CDK12: variants seen among roughly 807,000 people sequenced by gnomAD.
CDK12 encodes the protein cyclin-dependent kinase 12.
A neutral mutation model predicts 133.8 loss-of-function variants in CDK12; 17 were observed. The observed-to-expected ratio is 0.13, with a 90% CI of 0.09 to 0.19. CDK12 has a LOEUF of 0.19. CDK12 is among the 10% of genes least tolerant of loss of function. The pLI, the probability that CDK12 is intolerant of heterozygous loss-of-function variation, is 1.00. For synonymous variants in CDK12, 694 were observed against 683.6 expected (o/e 1.02, Z -0.24); for missense variants, 1,508 against 1,818.7 (o/e 0.83, Z 3.11).
upstream of CDK12, chr17:39,544,186 G>C (rs2055559732): frequency 2.1e-6 from 1 of 477,072 alleles, no homozygotes; most frequent in Admixed American, 2.3e-5. Flanking sequence ...CAAGACCAAA[G>C]ATGTTCTTTG....
intron 2 of CDK12, among the ~76,000 whole-genome samples, chr17:39,487,394 G>A (rs887508397): frequency 2.0e-5 from 3 of 152,080 alleles, no homozygotes; most frequent in Non-Finnish European, 4.4e-5. Flanking sequence ...TGTGGTCTAG[G>A]AAATATTCAT....
At position 39,524,135 on chromosome 17, in the gene CDK12, T is replaced by C. The variant is rs189982869; in HGVS notation, c.3096-539T>C. On this transcript the variant is annotated intron_variant, in intron 11 of 13. Transcript: ENST00000447079. Reference sequence around the variant, plus strand: ...GTGCTGAACTCCACAGATGAGCAAGTTGATATCCAGTCATAGAAATTCTGT... The same window carrying C: ...GTGCTGAACTCCACAGATGAGCAAGCTGATATCCAGTCATAGAAATTCTGT... Among the ~76,000 whole-genome samples the C allele has an allele frequency of 7.4e-4, 113 of 152,314 alleles. 2 individuals carry two copies. The highest frequency in any genetic ancestry group is 6.8e-3 in the Middle Eastern group (2 of 294).
chr17:39,553,852 A>G (rs1184290494), intron 2 of CDK12, among the ~76,000 whole-genome samples: 1 of 152,058 alleles, frequency 6.6e-6, no homozygotes, highest in Non-Finnish European at 1.5e-5. Context: ...GGCCTATTAG[A>G]GCTCTCTTTT....
At position 39,525,995 on chromosome 17, in the gene CDK12, C is replaced by G; in HGVS notation, c.3439C>G (p.Gln1147Glu). Residue 1147 changes from glutamine to glutamate, a missense_variant, in exon 13 of 14, where the codon CAG (glutamine) becomes GAG (glutamate). Physicochemically the swap from Gln to Glu is conservative, Grantham distance 29. Coordinates refer to ENST00000447079, the MANE Select transcript of CDK12 (RefSeq NM_016507.4). ...TAACATCCACTCCAACCCAGAGATG[C>G]AGCAGCAGCTGGAAGCCCTGAACCA... ...LLNIHSNPEM[Q>E]QQLEALNQSI... The G allele has an allele frequency of 6.2e-7, 1 of 1,614,196 alleles. No individual in the cohort carries two copies. The highest frequency in any genetic ancestry group is 8.5e-7 in the Non-Finnish European group (1 of 1,180,018).
chr17:39,466,657 C>CAAAA (rs2049342853), intron 1 of CDK12, among the ~76,000 whole-genome samples: 2 of 59,030 alleles, frequency 3.4e-5, no homozygotes, highest in Non-Finnish European at 3.3e-5. Flanking sequence ...AAAAAAAAAG[C>CAAAA]AGATGAATCT....
At chr17:39,499,360 C>T (rs1425875896) in intron 5 of CDK12, among the ~76,000 whole-genome samples, 1 of 149,424 alleles carries the variant, frequency 6.7e-6, no homozygotes, top group Non-Finnish European at 1.5e-5. Context: ...AGGTGCACGC[C>T]ACCACGTCCA....
rs2049807452 is a variant in CDK12, at chr17:39,471,673, C to T, written c.1841C>T (p.Ser614Phe). The change falls in exon 2 of 14, where the codon TCT (serine) becomes TTT (phenylalanine). Residue 614 changes from serine to phenylalanine, a missense_variant. Physicochemically the swap from Ser to Phe is radical, Grantham distance 155. This residue lies in a region of CDK12 where 347 missense variants were observed against 330.8 expected (regional missense o/e 1.05). Coordinates refer to ENST00000447079, the MANE Select transcript of CDK12 (RefSeq NM_016507.4). ...CAGGTTTCTGTGAAGACTCAAGTATCTGTAACAGCTGCTATTCCACACCTG... is the reference window on the plus strand; with the variant it reads ...CAGGTTTCTGTGAAGACTCAAGTATTTGTAACAGCTGCTATTCCACACCTG... ...PVQVSVKTQVSVTAAIPHLKT... is the reference protein window; with the variant it reads ...PVQVSVKTQVFVTAAIPHLKT... 6.2e-7 allele frequency: 1 copy of T among 1,613,978 alleles called. No individual in the cohort carries two copies. Among genetic ancestry groups the T allele is most frequent in the African/African-American group, 1.3e-5 (1 of 74,930 alleles).
chr17:39,561,248 G>A (rs992896710), intron 3 of CDK12, among the ~76,000 whole-genome samples: 6 of 152,180 alleles, frequency 3.9e-5, no homozygotes, highest in African/African-American at 1.2e-4. Context: ...TGAGGCCTGA[G>A]GAAATTGAGA....
intron 3 of CDK12, among the ~76,000 whole-genome samples, chr17:39,562,878 CTCCT>C (rs1405405775): frequency 4.3e-5 from 4 of 93,562 alleles, no homozygotes; most frequent in African/African-American, 1.7e-4. Context: ...TCTCTCTCTT[CTCCT>C]TTTTTTTTCT....
chr17:39,468,506 A>G (rs942746593), intron 1 of CDK12, among the ~76,000 whole-genome samples: 2 of 151,364 alleles, frequency 1.3e-5, no homozygotes, highest in African/African-American at 4.9e-5. Flanking sequence ...ACGGAGTTTC[A>G]CTCTTGTTGC....
chr17:39,469,063 G>A (rs549356954), intron 1 of CDK12, among the ~76,000 whole-genome samples: 11 of 150,944 alleles, frequency 7.3e-5, no homozygotes, highest in South Asian at 2.1e-4. Context: ...TCCTGACCTC[G>A]TGATCTGCTG....
In CDK12 at chr17:39,553,396, G is replaced by GGCCAAGGAGAAGA. The variant is rs559340658; in HGVS notation, n.356+2255_356+2267dup. On this transcript the variant is annotated intron_variant and non_coding_transcript_variant, in intron 2 of 3. Coordinates refer to the CDK12 transcript ENST00000558240. The stretch of plus-strand genomic sequence containing the variant: ...GTGTCCATCAGCACCCAAGGAGAAA[G>GGCCAAGGAGAAGA]GCCAAGGAGAAGAAGGTAACTAGAG... 2.7e-3 allele frequency among the ~76,000 whole-genome samples: 414 copies of GGCCAAGGAGAAGA among 152,106 alleles called. 1 individual carries two copies. Among genetic ancestry groups the GGCCAAGGAGAAGA allele is most frequent in the African/African-American group, 9.3e-3 (385 of 41,504 alleles).
rs2144853821 is a variant in CDK12 at position 39,462,239 on chromosome 17, G to A, written c.168G>A (p.Val56=). 1 of 1,614,202 alleles carries A rather than the reference G, an allele frequency of 6.2e-7. No individual in the cohort carries two copies. Among genetic ancestry groups the A allele is most frequent in the South Asian group, 1.1e-5 (1 of 91,084 alleles). Residue 56 remains valine (V), a synonymous_variant, in exon 1 of 14, where the codon GTG becomes GTA. Transcript: ENST00000447079. ...AACACTCCAAAGACATGGGGTTGGTGACCCCCGAAGCAGCATCCCTGGGCA... is the reference window on the plus strand; with the variant it reads ...AACACTCCAAAGACATGGGGTTGGTAACCCCCGAAGCAGCATCCCTGGGCA... ...KSKHSKDMGL[V]TPEAASLGTV...
chr17:39,494,757 T>TC, intron 5 of CDK12, 63 bp downstream of exon 5: 1 of 1,246,530 alleles, frequency 8.0e-7, no homozygotes, highest in Non-Finnish European at 1.1e-6. Flanking sequence ...TTCTTTTTTT[T>TC]TTTCTTTCTT....
downstream of CDK12, among the ~76,000 whole-genome samples, chr17:39,535,786 G>A (rs1477231019): frequency 6.6e-6 from 1 of 152,110 alleles, no homozygotes; most frequent in Non-Finnish European, 1.5e-5. Flanking sequence ...CTGATCTTGG[G>A]ATTTCCATTG....
Position 39,471,077 on chromosome 17 carries a change from G to A in CDK12, c.1245G>A (p.Met415Ile), listed in dbSNP as rs2145189800. The change falls in exon 2 of 14, where the codon ATG (methionine) becomes ATA (isoleucine). Residue 415 changes from methionine (M) to isoleucine (I), a missense_variant. By Grantham distance (10) the Met-to-Ile change is conservative (BLOSUM62 1). Around this residue, in one of 9 missense-constraint regions of CDK12, gnomAD observed 347 missense variants for 330.8 expected, o/e 1.05. Transcript: ENST00000447079. ...CAGCTGCTGCTGCTGCAGCAAAGAT[G>A]GATGGAAAGGAGTCCAAGGGTTCAC... ...ERAAAAAAAK[M>I]DGKESKGSPV... 5 of 1,613,598 alleles carry A rather than the reference G, an allele frequency of 3.1e-6. No homozygotes were observed. The highest frequency in any genetic ancestry group is 4.2e-6 in the Non-Finnish European group (5 of 1,179,818).
rs748867645 is a variant in CDK12, at chr17:39,462,359, C to G, written c.288C>G (p.Asn96Lys). The G allele has an allele frequency of 6.2e-7, 1 of 1,614,054 alleles. No homozygotes were observed. The highest frequency in any genetic ancestry group is 1.7e-5 in the Admixed American group (1 of 59,990). ...DMAFKLDRRE[N>K]DERRGSDRSD... is the part of the protein sequence containing the mutation. ...CCTTCAAACTAGACCGAAGGGAGAA[C>G]GACGAACGTCGTGGATCAGATCGGA... is the stretch of plus-strand genomic sequence containing the variant. The change falls in exon 1 of 14, where the codon AAC becomes AAG. Residue 96 changes from asparagine to lysine, a missense_variant. Transcript: ENST00000447079.
intron 6 of CDK12, among the ~76,000 whole-genome samples, chr17:39,507,554 T>TA (rs535093731): frequency 6.8e-4 from 98 of 143,738 alleles, no homozygotes; most frequent in South Asian, 1.5e-3. Context: ...AGCTCAGTCT[T>TA]AAAAAAAAAA....
At chr17:39,483,961 A>G (rs1419563894) in intron 2 of CDK12, among the ~76,000 whole-genome samples, 4 of 151,656 alleles carry the variant, frequency 2.6e-5, no homozygotes, top group African/African-American at 7.3e-5. Context: ...TCATGCCTCA[A>G]CTTCCCAAGT....
Sources: gnomAD v4.1 joint callset for allele counts (sites outside exome capture counted in the v4.1 genomes callset) on GRCh38, gnomAD v4.1.1 for gene constraint, gnomAD v4.1.1 regional missense constraint, MANE v1.5 for transcripts, NCBI Gene and HGNC (gene_info 2026-07-23, HGNC 2026-07-21) for gene names.